UBP1: variants seen among roughly 807,000 people sequenced by gnomAD.
The protein encoded by UBP1 is upstream-binding protein 1.
Under a neutral mutation model 76.1 loss-of-function variants are expected in UBP1, and 22 were observed. The ratio of observed to expected loss-of-function variants is 0.29; its 90% CI spans 0.21 to 0.41. The LOEUF is 0.41. UBP1 is among the 10% of genes least tolerant of loss of function. The pLI, the probability that UBP1 is intolerant of heterozygous loss-of-function variation, is 1.00. For synonymous variants in UBP1, 224 were observed against 237.1 expected (o/e 0.94, Z 0.51); for missense variants, 436 against 668.1 (o/e 0.65, Z 3.83).
intron 1 of UBP1, among the ~76,000 whole-genome samples, chr3:33,431,777 T>C (rs2045118534): frequency 6.6e-6 from 1 of 151,762 alleles, no homozygotes. Flanking sequence ...ACAGCTCCAT[T>C]TTCCCAGTAA....
At chr3:33,431,498 G>C (rs1009351519) in intron 1 of UBP1, among the ~76,000 whole-genome samples, 1 of 152,138 alleles carries the variant, frequency 6.6e-6, no homozygotes, top group Non-Finnish European at 1.5e-5. Flanking sequence ...AGCACTTTGG[G>C]AGACTGAGGC....
intron 11 of UBP1, among the ~76,000 whole-genome samples, chr3:33,398,895 T>G (rs1320400842): frequency 2.0e-5 from 3 of 152,252 alleles, no homozygotes; most frequent in African/African-American, 4.8e-5. Flanking sequence ...TTTCTAGTTT[T>G]TCACACATAA....
Position 33,401,217 on chromosome 3 carries a change from T to C in UBP1, c.1032-201A>G, listed in dbSNP as rs144284165. Reference sequence around the variant, plus strand: ...ATGACGAAATTAAGACACAGAAGACTGTGTCTTAATTTGTGCCTTCTTCAT... The same window carrying C: ...ATGACGAAATTAAGACACAGAAGACCGTGTCTTAATTTGTGCCTTCTTCAT... On this transcript the variant is annotated intron_variant, in intron 9 of 15. Transcript: ENST00000283629. 4.1e-4 allele frequency among the ~76,000 whole-genome samples: 63 copies of C among 152,304 alleles called. No homozygotes were observed. In the East Asian group the frequency reaches 0.012, roughly 28 times the overall value.
intron 1 of UBP1, among the ~76,000 whole-genome samples, chr3:33,429,350 TTTA>T (rs2045075116): frequency 6.6e-6 from 1 of 151,886 alleles, no homozygotes; most frequent in Non-Finnish European, 1.5e-5. Flanking sequence ...AGGGTGTTTC[TTTA>T]TTTTTTTTTT....
At chr3:33,434,289 C>CTTTTTTTTTT (rs371209882) in intron 1 of UBP1, among the ~76,000 whole-genome samples, 1 of 101,264 alleles carries the variant, frequency 9.9e-6, no homozygotes, top group African/African-American at 4.0e-5. Flanking sequence ...TCAGCAAATC[C>CTTTTTTTTTT]TTTTTTTTTT....
chr3:33,424,337 G>A (rs2044973648), intron 2 of UBP1, among the ~76,000 whole-genome samples: 1 of 152,186 alleles, frequency 6.6e-6, no homozygotes, highest in African/African-American at 2.4e-5. Context: ...AAATGAAAAG[G>A]TAGAAATAAG....
chr3:33,415,072 T>C (rs1323342791), intron 3 of UBP1, among the ~76,000 whole-genome samples: 1 of 152,236 alleles, frequency 6.6e-6, no homozygotes. Flanking sequence ...ACAAGGAAGT[T>C]GAACTTAAAG....
chr3:33,435,989 T>C (rs2045198070), intron 1 of UBP1, among the ~76,000 whole-genome samples: 1 of 152,240 alleles, frequency 6.6e-6, no homozygotes, highest in Non-Finnish European at 1.5e-5. Flanking sequence ...GGACATTCTA[T>C]TTTAGCATGA....
chr3:33,428,918 G>T (rs2045066587), intron 1 of UBP1, among the ~76,000 whole-genome samples: 4 of 151,578 alleles, frequency 2.6e-5, no homozygotes. Flanking sequence ...TCTTCTACTG[G>T]ATATCCTAAT....
intron 1 of UBP1, among the ~76,000 whole-genome samples, chr3:33,439,169 T>C (rs2045247393): frequency 6.6e-6 from 1 of 152,114 alleles, no homozygotes; most frequent in South Asian, 2.1e-4. Context: ...CCTGAGAGGG[T>C]AGTCTCCAAA....
At chr3:33,406,357 G>A (rs2044427360) in intron 8 of UBP1, among the ~76,000 whole-genome samples, 1 of 152,212 alleles carries the variant, frequency 6.6e-6, no homozygotes, top group African/African-American at 2.4e-5. Context: ...GAGCTGACTA[G>A]CAAATCTAAT....
chr3:33,431,223 G>T (rs1008669420), intron 1 of UBP1, among the ~76,000 whole-genome samples: 5 of 152,138 alleles, frequency 3.3e-5, no homozygotes, highest in Admixed American at 3.3e-4. Context: ...AGAGGAAAAT[G>T]AAGAAGTTAA....
chr3:33,437,321 A>T (rs1392404427), intron 1 of UBP1, among the ~76,000 whole-genome samples: 1 of 152,164 alleles, frequency 6.6e-6, no homozygotes, highest in Non-Finnish European at 1.5e-5. Flanking sequence ...GGCTATTAAC[A>T]GGTGCAATCA....
intron 2 of UBP1, among the ~76,000 whole-genome samples, chr3:33,422,804 AAAGG>A (rs1295208327): frequency 1.3e-5 from 2 of 151,924 alleles, no homozygotes; most frequent in Admixed American, 6.6e-5. Context: ...CAGAAAAAGA[AAAGG>A]AAGGGAAGGA....
At position 33,400,247 on chromosome 3, in the gene UBP1, CTG is replaced by C. The variant is rs1461696759; in HGVS notation, c.1120_1121del (p.Gln374AlafsTer17). The stretch of plus-strand genomic sequence containing the variant: ...AGAATCTGTTTTTGAGCAGCCATTG[CTG>C]TGTTTCCTGGATCGTAGCTGAAGGC... ...IQPSATIQET[Q>X]QWLLKNRFSS... is the part of the protein sequence containing the mutation. On this transcript the variant is annotated frameshift_variant, in exon 11 of 16. Transcript: ENST00000283629. LOFTEE classifies it high-confidence loss of function. 1.9e-6 allele frequency: 3 copies of C among 1,600,376 alleles called. No homozygotes were observed. Among genetic ancestry groups the C allele is most frequent in the Non-Finnish European group, 2.6e-6 (3 of 1,176,174 alleles).
intron 3 of UBP1, chr3:33,416,107 G>A (rs1309080037): frequency 1.3e-5 from 2 of 152,248 alleles, no homozygotes; most frequent in Non-Finnish European, 2.9e-5. Context: ...CACTCTGTGG[G>A]AAGATGGAAG....
rs779374360 is a variant in UBP1, at chr3:33,408,817, T to C, written c.820-20A>G. The C allele has an allele frequency of 1.3e-6, 2 of 1,591,182 alleles. No homozygotes were observed. The highest frequency in any genetic ancestry group is 4.5e-5 in the East Asian group (2 of 44,748). ...CCTCATCTGGACAAACACCAAAGAT[T>C]GGGATCAATGTCTTTTCATTATACA... On this transcript the variant is annotated intron_variant, in intron 7 of 15. Coordinates refer to ENST00000283629, the MANE Select transcript of UBP1 (RefSeq NM_014517.5).
intron 1 of UBP1, among the ~76,000 whole-genome samples, chr3:33,425,997 A>ATATATC (rs2045006299): frequency 1.0e-4 from 1 of 9,636 alleles, no homozygotes; most frequent in Non-Finnish European, 2.1e-4. Context: ...GCAGCTCTGA[A>ATATATC]TATATATATA....
At chr3:33,396,709 C>G (rs915036717) in intron 12 of UBP1, 2 of 515,740 alleles carry the variant, frequency 3.9e-6, no homozygotes, top group African/African-American at 1.9e-5. Flanking sequence ...TAGTAATAGT[C>G]ATGACCTTGA....
Sources: gnomAD v4.1 joint callset for allele counts (sites outside exome capture counted in the v4.1 genomes callset) on GRCh38, gnomAD v4.1.1 for gene constraint, MANE v1.5 for transcripts, NCBI Gene and HGNC (gene_info 2026-07-23, HGNC 2026-07-21) for gene names.